NCAM2: variants seen among roughly 807,000 people sequenced by gnomAD.
The protein encoded by NCAM2 is N-CAM-2.
NCAM2 carries 30 observed loss-of-function variants against 98.1 expected under a neutral mutation model. That is an observed-to-expected ratio of 0.31 (90% CI 0.23 to 0.41). The LOEUF (loss-of-function observed/expected upper bound fraction) is 0.41, where lower values mean the gene tolerates loss of function less well. Among genes scored for constraint, NCAM2 ranks in the 10% least tolerant of loss-of-function variants. The probability of loss-of-function intolerance (pLI) is 1.00; values close to 1 mark genes in which losing one functional copy is unlikely to be tolerated. For missense variants in NCAM2, 867 were observed against 1,005.8 expected (o/e 0.86, Z 1.87); for synonymous variants, 368 against 342.4 (o/e 1.07, Z -0.83).
chr21:21,451,250 C>T (rs2826845), intron 12 of NCAM2, among the ~76,000 whole-genome samples: 30,808 of 151,980 alleles, frequency 0.2, 3,273 homozygotes, highest in African/African-American at 0.26. Flanking sequence ...TCAAATAAAA[C>T]TAAATAGTTA....
intron 6 of NCAM2, among the ~76,000 whole-genome samples, chr21:21,332,067 T>G (rs144859588): frequency 0.012 from 1,842 of 151,856 alleles, 11 homozygotes; most frequent in Non-Finnish European, 0.019. Context: ...CACGCCCAGC[T>G]AATTATTTTG....
intron 1 of NCAM2, among the ~76,000 whole-genome samples, chr21:21,207,496 A>G (rs573008435): frequency 0.014 from 2,184 of 152,126 alleles, 56 homozygotes; most frequent in African/African-American, 0.05. Context: ...ACACAGAGAA[A>G]CAAAACAGGA....
intron 11 of NCAM2, among the ~76,000 whole-genome samples, chr21:21,425,106 G>GAA (rs2077188218): frequency 6.9e-6 from 1 of 145,050 alleles, no homozygotes; most frequent in African/African-American, 2.5e-5. Context: ...TACAACGAGG[G>GAA]AAATTTGGAG....
At chr21:21,421,745 G>C (rs1260213173) in intron 11 of NCAM2, among the ~76,000 whole-genome samples, 1 of 152,088 alleles carries the variant, frequency 6.6e-6, no homozygotes, top group Non-Finnish European at 1.5e-5. Flanking sequence ...TGGCCTATTT[G>C]CCTTGTAAAA....
intron 1 of NCAM2, among the ~76,000 whole-genome samples, chr21:21,204,328 G>T (rs2069352580): frequency 6.6e-6 from 1 of 151,974 alleles, no homozygotes; most frequent in Non-Finnish European, 1.5e-5. Context: ...GTTATTGCTG[G>T]ATTTATTTAT....
chr21:21,247,095 G>A (rs1049222499), intron 1 of NCAM2, among the ~76,000 whole-genome samples: 2 of 151,824 alleles, frequency 1.3e-5, no homozygotes, highest in African/African-American at 2.4e-5. Context: ...TGAGGCGGGC[G>A]GATCATGAGG....
chr21:21,370,536 C>A (rs1380382817), intron 8 of NCAM2, among the ~76,000 whole-genome samples: 5 of 151,480 alleles, frequency 3.3e-5, no homozygotes, highest in African/African-American at 1.2e-4. Context: ...GTAAAAATGC[C>A]CACTTTTCAA....
At chr21:21,114,283 G>A (rs1194566368) in intron 1 of NCAM2, among the ~76,000 whole-genome samples, 1 of 152,122 alleles carries the variant, frequency 6.6e-6, no homozygotes, top group Non-Finnish European at 1.5e-5. Context: ...AAAATATCTG[G>A]TATTTTATTT....
intron 15 of NCAM2, among the ~76,000 whole-genome samples, chr21:21,480,624 A>T (rs1985791711): frequency 6.6e-6 from 1 of 152,198 alleles, no homozygotes; most frequent in African/African-American, 2.4e-5. Context: ...TTAAAAACGT[A>T]ATTGTAAAAC....
intron 10 of NCAM2, among the ~76,000 whole-genome samples, chr21:21,412,457 T>C (rs2076906623): frequency 6.6e-6 from 1 of 152,164 alleles, no homozygotes; most frequent in South Asian, 2.1e-4. Flanking sequence ...CGTGAGTAAA[T>C]GACAGACTAA....
At chr21:21,416,644 A>G (rs1034128462) in intron 10 of NCAM2, among the ~76,000 whole-genome samples, 1 of 152,212 alleles carries the variant, frequency 6.6e-6, no homozygotes, top group Non-Finnish European at 1.5e-5. Flanking sequence ...GGTGTTTATC[A>G]GTAGATGTTT....
intron 1 of NCAM2, among the ~76,000 whole-genome samples, chr21:21,114,513 C>T (rs1202239311): frequency 1.3e-5 from 2 of 152,118 alleles, no homozygotes; most frequent in African/African-American, 2.4e-5. Context: ...AATGTTCTGC[C>T]ATAGGAAAAG....
chr21:21,135,101 C>T (rs551655383), intron 1 of NCAM2, among the ~76,000 whole-genome samples: 91 of 150,940 alleles, frequency 6.0e-4, no homozygotes, highest in African/African-American at 2.1e-3. Context: ...AAAAAATTAG[C>T]TGGGCGTGGT....
chr21:21,121,005 C>T (rs1028441332), intron 1 of NCAM2, among the ~76,000 whole-genome samples: 4 of 152,182 alleles, frequency 2.6e-5, no homozygotes, highest in East Asian at 1.9e-4. Flanking sequence ...CGTGAGCCAC[C>T]GCGCCCGGCC....
intron 3 of NCAM2, among the ~76,000 whole-genome samples, chr21:21,285,474 C>T: frequency 6.6e-6 from 1 of 151,770 alleles, no homozygotes; most frequent in Non-Finnish European, 1.5e-5. Flanking sequence ...TTATGTAACC[C>T]CCTAGAGTAT....
intron 8 of NCAM2, among the ~76,000 whole-genome samples, chr21:21,368,073 A>G (rs1365789425): frequency 2.0e-5 from 3 of 151,848 alleles, no homozygotes; most frequent in Non-Finnish European, 4.4e-5. Flanking sequence ...TATTATCATA[A>G]TATTTTAATT....
At chr21:21,534,920 CAG>C (rs1989903693) in intron 17 of NCAM2, among the ~76,000 whole-genome samples, 1 of 151,968 alleles carries the variant, frequency 6.6e-6, no homozygotes, top group African/African-American at 2.4e-5. Flanking sequence ...AAGTATCTTA[CAG>C]AGTTTGAGGT....
At chr21:21,087,744 C>T (rs2065932928) in intron 1 of NCAM2, among the ~76,000 whole-genome samples, 1 of 152,110 alleles carries the variant, frequency 6.6e-6, no homozygotes. Context: ...AAGGATGCGT[C>T]TCATTTAGAT....
At chr21:21,118,770 A>T (rs767408303) in intron 1 of NCAM2, among the ~76,000 whole-genome samples, 1 of 152,028 alleles carries the variant, frequency 6.6e-6, no homozygotes, top group Non-Finnish European at 1.5e-5. Flanking sequence ...ATTTTACATT[A>T]TCGGAGTTAG....
Sources: gnomAD v4.1 joint callset for allele counts (sites outside exome capture counted in the v4.1 genomes callset) on GRCh38, gnomAD v4.1.1 for gene constraint, MANE v1.5 for transcripts, NCBI Gene and HGNC (gene_info 2026-07-23, HGNC 2026-07-21) for gene names.